ARHGAP24: variants seen among roughly 807,000 people sequenced by gnomAD.
ARHGAP24 encodes the protein Rho GTPase activating protein 24, also known as rho GTPase-activating protein 24.
Under a neutral mutation model 76.4 loss-of-function variants are expected in ARHGAP24, and 50 were observed. That is an observed-to-expected ratio of 0.65 (90% CI 0.52 to 0.83). The LOEUF (loss-of-function observed/expected upper bound fraction) is 0.83, where lower values mean the gene tolerates loss of function less well. ARHGAP24 is among the 40% of genes least tolerant of loss of function. ARHGAP24 has a pLI of 0.00. For synonymous variants in ARHGAP24, 345 were observed against 323.3 expected (o/e 1.07, Z -0.72); for missense variants, 930 against 914.2 (o/e 1.02, Z -0.22).
chr4:85,703,340 C>T (rs189563328), intron 2 of ARHGAP24, among the ~76,000 whole-genome samples: 1 of 152,228 alleles, frequency 6.6e-6, no homozygotes, highest in Admixed American at 6.5e-5. Context: ...GATGAGATGA[C>T]AGATGGTCCT....
In ARHGAP24 at chr4:85,995,095, A is replaced by G. The variant is rs753854952; in HGVS notation, c.1441A>G (p.Thr481Ala). ...GGGCACGCACAGTGTACAGAATGGA[A>G]CGGTGCGCATGGGCATTTTGAACAG... ...KMGTHSVQNGTVRMGILNSDT... is the reference protein window; with the variant it reads ...KMGTHSVQNGAVRMGILNSDT... The change falls in exon 9 of 10, where the codon ACG becomes GCG. Residue 481 changes from threonine to alanine, a missense_variant. Thr to Ala is a moderately conservative substitution (Grantham distance 58). Transcript: ENST00000395184. 5.0e-6 allele frequency: 8 copies of G among 1,613,964 alleles called. No homozygotes were observed. The highest frequency in any genetic ancestry group is 6.8e-6 in the Non-Finnish European group (8 of 1,180,022).
chr4:85,966,346 T>C (rs1053554435), intron 5 of ARHGAP24, among the ~76,000 whole-genome samples: 2 of 152,150 alleles, frequency 1.3e-5, no homozygotes, highest in African/African-American at 4.8e-5. Flanking sequence ...CTGCCATCAG[T>C]AGCTTTAAAC....
At chr4:85,976,355 G>A (rs1739326027) in intron 7 of ARHGAP24, among the ~76,000 whole-genome samples, 1 of 152,078 alleles carries the variant, frequency 6.6e-6, no homozygotes, top group African/African-American at 2.4e-5. Flanking sequence ...TCCTCCGGTG[G>A]GTTCAAGTCT....
intron 5 of ARHGAP24, among the ~76,000 whole-genome samples, chr4:85,964,070 A>C (rs1489385314): frequency 1.3e-5 from 2 of 152,150 alleles, no homozygotes; most frequent in Non-Finnish European, 2.9e-5. Context: ...AAGCATTGTC[A>C]GTAAGACTGC....
chr4:85,624,445 T>C (rs373042893), intron 2 of ARHGAP24, among the ~76,000 whole-genome samples: 159 of 152,212 alleles, frequency 1.0e-3, no homozygotes, highest in African/African-American at 3.5e-3. Context: ...CCCACTTGAT[T>C]ATGGTGGATA....
At chr4:85,653,787 T>C (rs1722034166) in intron 2 of ARHGAP24, among the ~76,000 whole-genome samples, 1 of 152,126 alleles carries the variant, frequency 6.6e-6, no homozygotes, top group African/African-American at 2.4e-5. Flanking sequence ...AAATTAAGAA[T>C]TCAGTTCTCC....
intron 3 of ARHGAP24, among the ~76,000 whole-genome samples, chr4:85,735,637 T>C (rs1486258900): frequency 6.6e-6 from 1 of 152,148 alleles, no homozygotes; most frequent in Non-Finnish European, 1.5e-5. Flanking sequence ...TCTTCTCCCT[T>C]ACCTCGTCAT....
chr4:85,883,380 G>C (rs527578782), intron 3 of ARHGAP24, among the ~76,000 whole-genome samples: 8 of 152,248 alleles, frequency 5.3e-5, no homozygotes, highest in Middle Eastern at 6.8e-3. Flanking sequence ...TTATGGAATG[G>C]TTCCTCTCCT....
chr4:85,673,503 T>G (rs554659085), intron 2 of ARHGAP24, among the ~76,000 whole-genome samples: 32 of 152,028 alleles, frequency 2.1e-4, no homozygotes, highest in African/African-American at 7.0e-4. Flanking sequence ...CTCTCTGTCC[T>G]TTCCTTTATG....
chr4:85,622,449 G>T (rs1292031438), intron 2 of ARHGAP24, among the ~76,000 whole-genome samples: 1 of 151,898 alleles, frequency 6.6e-6, no homozygotes, highest in Non-Finnish European at 1.5e-5. Flanking sequence ...TGGCTGCATG[G>T]TATTCCATGG....
intron 5 of ARHGAP24, among the ~76,000 whole-genome samples, chr4:85,968,917 C>T (rs4693133): frequency 0.21 from 31,847 of 151,910 alleles, 3,607 homozygotes; most frequent in South Asian, 0.39. Flanking sequence ...ATTTTTTCTT[C>T]ATCATTTCTA....
chr4:85,737,015 C>A (rs73833410), intron 3 of ARHGAP24, among the ~76,000 whole-genome samples: 1 of 152,056 alleles, frequency 6.6e-6, no homozygotes, highest in Non-Finnish European at 1.5e-5. Flanking sequence ...TGTCATCTTT[C>A]CCCTAGTTGA....
At chr4:85,523,017 T>C (rs899935451) in intron 1 of ARHGAP24, among the ~76,000 whole-genome samples, 4 of 152,220 alleles carry the variant, frequency 2.6e-5, no homozygotes, top group African/African-American at 9.6e-5. Context: ...GTCATTCGAC[T>C]CTTTGGTGGC....
intron 9 of ARHGAP24, 24 bp from the exon 10 acceptor site, chr4:86,000,455 C>A (rs769757543): frequency 3.3e-5 from 21 of 633,234 alleles, no homozygotes; most frequent in Non-Finnish European, 3.3e-5. Flanking sequence ...CCCCACCCCC[C>A]ACCCCCCCCA....
At chr4:85,525,534 A>G (rs934844580) in intron 1 of ARHGAP24, among the ~76,000 whole-genome samples, 1 of 152,154 alleles carries the variant, frequency 6.6e-6, no homozygotes, top group Admixed American at 6.5e-5. Context: ...GACAAAAACC[A>G]TGGCTAAATC....
At chr4:85,795,999 G>T (rs953460647) in intron 3 of ARHGAP24, among the ~76,000 whole-genome samples, 1 of 152,138 alleles carries the variant, frequency 6.6e-6, no homozygotes, top group South Asian at 2.1e-4. Context: ...AGAGTTCCCA[G>T]AATTCCCTGG....
chr4:85,739,198 C>T (rs1725724499), intron 3 of ARHGAP24, among the ~76,000 whole-genome samples: 1 of 152,208 alleles, frequency 6.6e-6, no homozygotes, highest in Non-Finnish European at 1.5e-5. Context: ...GCCTCCCTCT[C>T]CCCTGCCTCC....
chr4:85,724,491 G>GTATATATATATATATA (rs60930279), intron 3 of ARHGAP24, among the ~76,000 whole-genome samples: 3 of 10,708 alleles, frequency 2.8e-4, no homozygotes, highest in African/African-American at 3.7e-4. Context: ...TTCCATGTGT[G>GTATATATATATATATA]TATATATATA....
chr4:85,856,574 G>T (rs1027248973), intron 3 of ARHGAP24, among the ~76,000 whole-genome samples: 2 of 149,214 alleles, frequency 1.3e-5, no homozygotes, highest in East Asian at 2.0e-4. Flanking sequence ...AGGTTCAAGC[G>T]ATTCTCCTGT....
Sources: allele counts gnomAD v4.1 joint callset (sites outside exome capture counted in the v4.1 genomes callset), GRCh38; gene constraint gnomAD v4.1.1; transcripts MANE v1.5; gene names NCBI Gene and HGNC (gene_info 2026-07-23, HGNC 2026-07-21).